Variants in CNTNAP2 observed in about 807,000 individuals in gnomAD.
CNTNAP2 encodes contactin associated protein 2.
In CNTNAP2, 98 loss-of-function variants were observed where a neutral mutation model predicts 155.2. The observed-to-expected ratio is 0.63, with a 90% CI of 0.54 to 0.75. CNTNAP2 has a LOEUF of 0.75. CNTNAP2 is among the 30% of genes least tolerant of loss of function. The pLI is 0.00. For synonymous variants in CNTNAP2, 651 were observed against 631.2 expected, an observed-to-expected ratio of 1.03 and a Z score of -0.47; for missense variants, 1,727 against 1,688.1, an observed-to-expected ratio of 1.02 and a Z score of -0.40.
At chr7:148,286,634 G>A (rs1585243325) in intron 21 of CNTNAP2, among the ~76,000 whole-genome samples, 1 of 151,992 alleles carries the variant, frequency 6.6e-6, no homozygotes, top group South Asian at 2.1e-4. Context: ...AACTATTACG[G>A]TTATTTTATC....
At chr7:146,770,775 A>C (rs1282479845) in intron 1 of CNTNAP2, among the ~76,000 whole-genome samples, 1 of 152,174 alleles carries the variant, frequency 6.6e-6, no homozygotes, top group Non-Finnish European at 1.5e-5. Flanking sequence ...ACTCTAAACT[A>C]TATTATGGTT....
intron 6 of CNTNAP2, among the ~76,000 whole-genome samples, chr7:147,125,124 C>T (rs1801207003): frequency 6.6e-6 from 1 of 152,056 alleles, no homozygotes; most frequent in South Asian, 2.1e-4. Flanking sequence ...TCATGATCCA[C>T]CCACCTCGGC....
intron 1 of CNTNAP2, among the ~76,000 whole-genome samples, chr7:146,257,982 C>T (rs1476052270): frequency 1.3e-5 from 2 of 151,904 alleles, no homozygotes; most frequent in Non-Finnish European, 2.9e-5. Flanking sequence ...CCTCCACCTC[C>T]TGGGTTCAAG....
At chr7:146,862,220 G>A (rs1795115745) in intron 3 of CNTNAP2, among the ~76,000 whole-genome samples, 1 of 152,106 alleles carries the variant, frequency 6.6e-6, no homozygotes, top group Non-Finnish European at 1.5e-5. Flanking sequence ...GAGGGTTAAA[G>A]TACTTAGCGT....
At chr7:148,290,054 A>G (rs1025294857) in intron 21 of CNTNAP2, among the ~76,000 whole-genome samples, 1 of 152,226 alleles carries the variant, frequency 6.6e-6, no homozygotes, top group Non-Finnish European at 1.5e-5. Flanking sequence ...TATGCAGAAT[A>G]TAAAGGGATT....
chr7:146,781,126 G>A (rs1049708663), intron 2 of CNTNAP2, among the ~76,000 whole-genome samples: 11 of 151,580 alleles, frequency 7.3e-5, no homozygotes, highest in Non-Finnish European at 1.2e-4. Context: ...TACTCGGGAG[G>A]CTGAGACAGG....
intron 6 of CNTNAP2, chr7:147,122,552 A>G (rs1256884836): frequency 6.6e-6 from 1 of 152,232 alleles, no homozygotes; most frequent in African/African-American, 2.4e-5. Context: ...AGATTTGCCA[A>G]TGGCATTCTA....
At chr7:146,268,508 A>G (rs1037218456) in intron 1 of CNTNAP2, among the ~76,000 whole-genome samples, 1 of 152,198 alleles carries the variant, frequency 6.6e-6, no homozygotes, top group Non-Finnish European at 1.5e-5. Flanking sequence ...GCATGACTCC[A>G]TCTCCCCTCT....
chr7:147,302,217 CAG>C (rs1431209193), intron 9 of CNTNAP2, among the ~76,000 whole-genome samples: 1 of 152,194 alleles, frequency 6.6e-6, no homozygotes, highest in Non-Finnish European at 1.5e-5. Context: ...TCACAGTTGT[CAG>C]TGGGAAAGCT....
intron 1 of CNTNAP2, among the ~76,000 whole-genome samples, chr7:146,585,729 AG>A (rs1449146164): frequency 4.0e-5 from 6 of 148,678 alleles, no homozygotes; most frequent in African/African-American, 1.3e-4. Context: ...GAAAGAAAGA[AG>A]AAAGAAAGAA....
chr7:148,057,509 T>G (rs1803042754), intron 15 of CNTNAP2, among the ~76,000 whole-genome samples: 1 of 152,202 alleles, frequency 6.6e-6, no homozygotes, highest in Non-Finnish European at 1.5e-5. Flanking sequence ...TAACCTGGGT[T>G]AGAATGCGTT....
chr7:146,277,382 C>A (rs1800181418), intron 1 of CNTNAP2, among the ~76,000 whole-genome samples: 2 of 152,136 alleles, frequency 1.3e-5, no homozygotes, highest in South Asian at 4.1e-4. Context: ...CGGCAGCTTG[C>A]AACCACTGAT....
At chr7:147,689,765 A>G (rs1796062832) in intron 13 of CNTNAP2, among the ~76,000 whole-genome samples, 1 of 152,166 alleles carries the variant, frequency 6.6e-6, no homozygotes, top group South Asian at 2.1e-4. Flanking sequence ...TATTGAAGAA[A>G]GTAGGTTTTC....
chr7:146,945,891 A>C (rs1224579270), intron 3 of CNTNAP2, among the ~76,000 whole-genome samples: 1 of 152,156 alleles, frequency 6.6e-6, no homozygotes, highest in Admixed American at 6.5e-5. Flanking sequence ...TTATATTTGA[A>C]CAATCATCAC....
At chr7:146,561,602 T>A (rs1177562020) in intron 1 of CNTNAP2, among the ~76,000 whole-genome samples, 3 of 152,092 alleles carry the variant, frequency 2.0e-5, no homozygotes, top group African/African-American at 7.2e-5. Flanking sequence ...CATGCTGAAG[T>A]GAGCAGTGAT....
rs576637542 is a variant in CNTNAP2, at chr7:146,897,800, G to C, written c.402+57896G>C. 2.0e-5 allele frequency among the ~76,000 whole-genome samples: 3 copies of C among 152,088 alleles called. No homozygotes were observed. The South Asian group carries it at 6.2e-4, about 32-fold the overall frequency. On this transcript the variant is annotated intron_variant, in intron 3 of 23. Transcript: ENST00000361727. ...TTTTAAGTTAGCCTCATTTTTTCAA[G>C]ACTATCAGAGATATATTTGTCTAAG...
intron 3 of CNTNAP2, among the ~76,000 whole-genome samples, chr7:146,925,754 C>T (rs1304179925): frequency 6.6e-6 from 1 of 152,150 alleles, no homozygotes; most frequent in Non-Finnish European, 1.5e-5. Context: ...GCTCTGACAA[C>T]ACCTTGAATG....
At chr7:148,181,923 A>G (rs1047528307) in intron 18 of CNTNAP2, among the ~76,000 whole-genome samples, 1 of 151,230 alleles carries the variant, frequency 6.6e-6, no homozygotes, top group East Asian at 2.0e-4. Flanking sequence ...ACACCAGGCT[A>G]AATTTTTGTA....
intron 3 of CNTNAP2, among the ~76,000 whole-genome samples, chr7:146,915,177 G>A (rs1337321278): frequency 6.6e-6 from 1 of 151,814 alleles, no homozygotes; most frequent in Non-Finnish European, 1.5e-5. Flanking sequence ...CTACATGACT[G>A]TTTTTATACC....
Sources: gnomAD v4.1 joint callset for allele counts (sites outside exome capture counted in the v4.1 genomes callset) on GRCh38, gnomAD v4.1.1 for gene constraint, MANE v1.5 for transcripts, NCBI Gene and HGNC (gene_info 2026-07-23, HGNC 2026-07-21) for gene names.